SLIT2: variants seen among roughly 807,000 people sequenced by gnomAD.
SLIT2 encodes slit guidance ligand 2, also known as slit homolog 2 protein.
A neutral mutation model predicts 185.7 loss-of-function variants in SLIT2; 41 were observed. That is an observed-to-expected ratio of 0.22 (90% confidence interval 0.17 to 0.29). The LOEUF is 0.29. Among genes scored for constraint, SLIT2 ranks in the 10% least tolerant of loss-of-function variants. The pLI, the probability that SLIT2 is intolerant of heterozygous loss-of-function variation, is 1.00. For missense variants in SLIT2, 1,571 were observed against 1,909.0 expected (o/e 0.82, Z 3.30); for synonymous variants, 693 against 680.2 (o/e 1.02, Z -0.29).
intron 4 of SLIT2, among the ~76,000 whole-genome samples, chr4:20,374,869 A>G (rs745667603): frequency 6.6e-6 from 1 of 152,096 alleles, no homozygotes; most frequent in Non-Finnish European, 1.5e-5. Flanking sequence ...CGATACATTG[A>G]TCATTTTTCT....
chr4:20,358,915 A>C (rs1241381970), intron 4 of SLIT2, among the ~76,000 whole-genome samples: 2 of 152,126 alleles, frequency 1.3e-5, no homozygotes, highest in African/African-American at 4.8e-5. Flanking sequence ...CATCAACTAG[A>C]TACAAAGTTT....
At chr4:20,613,003 A>G (rs1391365613) in intron 34 of SLIT2, among the ~76,000 whole-genome samples, 1 of 152,090 alleles carries the variant, frequency 6.6e-6, no homozygotes, top group East Asian at 1.9e-4. Context: ...TCAAAAAATA[A>G]CAGCTGCTGG....
At chr4:20,439,260 C>T (rs1315914964) in intron 4 of SLIT2, among the ~76,000 whole-genome samples, 3 of 152,112 alleles carry the variant, frequency 2.0e-5, no homozygotes, top group Admixed American at 6.5e-5. Context: ...CTTTGCTAGA[C>T]GTTCCATAAC....
chr4:20,480,923 G>A, intron 6 of SLIT2, 136 bp downstream of exon 6: 1 of 668,790 alleles, frequency 1.5e-6, no homozygotes, highest in South Asian at 1.8e-5. Flanking sequence ...AACTCATGGT[G>A]AATACAGAGA....
At chr4:20,608,773 T>C (rs2148977572) in intron 33 of SLIT2, among the ~76,000 whole-genome samples, 1 of 152,308 alleles carries the variant, frequency 6.6e-6, no homozygotes, top group Middle Eastern at 3.4e-3. Context: ...TATCATTCCC[T>C]AGACTTTGCC....
chr4:20,452,979 C>G (rs1480452353), intron 4 of SLIT2, among the ~76,000 whole-genome samples: 2 of 152,190 alleles, frequency 1.3e-5, no homozygotes, highest in Non-Finnish European at 2.9e-5. Flanking sequence ...GTGCCCAACT[C>G]TCTTTTACAT....
At chr4:20,494,612 TA>T (rs1463988841) in intron 9 of SLIT2, among the ~76,000 whole-genome samples, 134 of 151,894 alleles carry the variant, frequency 8.8e-4, no homozygotes, top group African/African-American at 3.0e-3. Context: ...CTGTCTCTAC[TA>T]AAAAATACAA....
intron 4 of SLIT2, among the ~76,000 whole-genome samples, chr4:20,424,958 T>C (rs1728439821): frequency 6.6e-6 from 1 of 152,156 alleles, no homozygotes; most frequent in Admixed American, 6.6e-5. Flanking sequence ...TACATATTTA[T>C]TCTTTCTAAA....
chr4:20,581,820 C>T (rs1466520907), intron 29 of SLIT2, among the ~76,000 whole-genome samples: 2 of 152,188 alleles, frequency 1.3e-5, no homozygotes, highest in Non-Finnish European at 2.9e-5. Flanking sequence ...AATCTCTGCT[C>T]ACTGCAACCT....
intron 30 of SLIT2, among the ~76,000 whole-genome samples, chr4:20,593,351 T>G (rs973114581): frequency 1.3e-5 from 2 of 152,100 alleles, no homozygotes; most frequent in Admixed American, 1.3e-4. Flanking sequence ...TATATATACT[T>G]TATGCTAAGT....
intron 25 of SLIT2, chr4:20,552,501 T>A (rs930168933): frequency 6.6e-6 from 1 of 152,106 alleles, no homozygotes; most frequent in African/African-American, 2.4e-5. Flanking sequence ...TAAAGAGCTC[T>A]GCTTTTTCAC....
intron 30 of SLIT2, among the ~76,000 whole-genome samples, chr4:20,591,841 A>G (rs989545086): frequency 7.2e-5 from 11 of 152,130 alleles, no homozygotes; most frequent in Admixed American, 1.3e-4. Context: ...AGTAAGACTT[A>G]ACTGAAACTA....
In SLIT2 at chr4:20,457,262, T is replaced by C. The variant is rs182865687; in HGVS notation, c.396-10490T>C. Reference sequence around the variant, plus strand: ...TTATGGGATATGTCAACAAGGCAGCTAATGATTACAATCCAGTATGCTATC... The same window carrying C: ...TTATGGGATATGTCAACAAGGCAGCCAATGATTACAATCCAGTATGCTATC... On this transcript the variant is annotated intron_variant, in intron 4 of 36. Coordinates refer to ENST00000504154, the MANE Select transcript of SLIT2 (RefSeq NM_004787.4). Among the ~76,000 whole-genome samples the C allele has an allele frequency of 5.3e-5, 8 of 152,144 alleles. No individual in the cohort carries two copies. In the East Asian group the frequency reaches 1.6e-3, roughly 29 times the overall value.
chr4:20,297,847 A>G (rs1716638757), intron 4 of SLIT2, among the ~76,000 whole-genome samples: 1 of 152,148 alleles, frequency 6.6e-6, no homozygotes, highest in Admixed American at 6.5e-5. Context: ...TGTCTTCATA[A>G]TGTATCTCAT....
At chr4:20,442,225 A>G (rs908804283) in intron 4 of SLIT2, among the ~76,000 whole-genome samples, 1 of 152,112 alleles carries the variant, frequency 6.6e-6, no homozygotes, top group African/African-American at 2.4e-5. Flanking sequence ...GCGTTTAGAA[A>G]GGGGGACTGG....
At chr4:20,549,172 C>A in intron 24 of SLIT2, 44 bp downstream of exon 24, 2 of 1,230,652 alleles carry the variant, frequency 1.6e-6, no homozygotes, top group Non-Finnish European at 1.2e-6. Context: ...TCTCAGAGAT[C>A]TGAGTTTGGG....
chr4:20,406,649 A>G (rs1160915266), intron 4 of SLIT2, among the ~76,000 whole-genome samples: 1 of 144,594 alleles, frequency 6.9e-6, no homozygotes, highest in Non-Finnish European at 1.5e-5. Context: ...TAAAAAATAA[A>G]CTGACAGCAC....
intron 4 of SLIT2, among the ~76,000 whole-genome samples, chr4:20,330,349 C>G (rs1035025906): frequency 6.6e-6 from 1 of 152,028 alleles, no homozygotes; most frequent in African/African-American, 2.4e-5. Context: ...TTAAATGTAA[C>G]TGTGCAAAGT....
chr4:20,434,705 A>G (rs1236157740), intron 4 of SLIT2, among the ~76,000 whole-genome samples: 1 of 152,192 alleles, frequency 6.6e-6, no homozygotes, highest in African/African-American at 2.4e-5. Context: ...ACGTAGGTAG[A>G]TGTTTTAATT....
Sources: allele counts gnomAD v4.1 joint callset (sites outside exome capture counted in the v4.1 genomes callset), GRCh38; gene constraint gnomAD v4.1.1; transcripts MANE v1.5; gene names NCBI Gene and HGNC (gene_info 2026-07-23, HGNC 2026-07-21).